Variants in KMT2E observed in about 807,000 individuals in gnomAD.
KMT2E encodes histone reader KMT2E.
KMT2E carries 30 observed loss-of-function variants against 184.6 expected under a neutral mutation model. The observed-to-expected ratio is 0.16, with a 90% CI of 0.12 to 0.22. The LOEUF (loss-of-function observed/expected upper bound fraction) is 0.22. Among genes scored for constraint, KMT2E ranks in the 10% least tolerant of loss-of-function variants. The probability of loss-of-function intolerance (pLI) is 1.00; values close to 1 mark genes in which losing one functional copy is unlikely to be tolerated. For missense variants in KMT2E, 2,023 were observed against 2,237.4 expected, an observed-to-expected ratio of 0.90 and a Z score of 1.93; for synonymous variants, 815 against 776.5, an observed-to-expected ratio of 1.05 and a Z score of -0.82.
At chr7:105,033,510 CTTTT>C (rs1191819785) in intron 1 of KMT2E, among the ~76,000 whole-genome samples, 2 of 151,572 alleles carry the variant, frequency 1.3e-5, no homozygotes, top group African/African-American at 4.9e-5. Context: ...TTTGTTTTTG[CTTTT>C]TTGAGACGGA....
intron 3 of KMT2E, among the ~76,000 whole-genome samples, chr7:105,049,432 A>G (rs1374990184): frequency 6.6e-6 from 1 of 151,702 alleles, no homozygotes; most frequent in East Asian, 1.9e-4. Flanking sequence ...TGACAAAGTG[A>G]GACCTTGTCT....
intron 1 of KMT2E, among the ~76,000 whole-genome samples, chr7:105,017,418 T>G (rs1441411255): frequency 1.4e-5 from 2 of 146,138 alleles, no homozygotes; most frequent in South Asian, 2.1e-4. Context: ...TGGTGGGTGG[T>G]TTTTTTTTGT....
intron 15 of KMT2E, 35 bp from the exon 16 acceptor site, chr7:105,101,390 T>C: frequency 7.1e-7 from 1 of 1,409,166 alleles, no homozygotes; most frequent in Admixed American, 2.5e-5. Context: ...TGAGCATTGA[T>C]ATTTATGATG....
At chr7:105,096,027 G>T (rs910327367) in intron 15 of KMT2E, among the ~76,000 whole-genome samples, 1 of 152,060 alleles carries the variant, frequency 6.6e-6, no homozygotes, top group Non-Finnish European at 1.5e-5. Flanking sequence ...GGCCAAGGTG[G>T]GTGGATCACT....
intron 3 of KMT2E, among the ~76,000 whole-genome samples, chr7:105,046,596 A>G (rs1796113931): frequency 6.6e-6 from 1 of 152,194 alleles, no homozygotes; most frequent in African/African-American, 2.4e-5. Flanking sequence ...AATGGAATGC[A>G]AGATCTTTTT....
At chr7:105,016,919 A>G (rs896654568) in intron 1 of KMT2E, among the ~76,000 whole-genome samples, 2 of 152,252 alleles carry the variant, frequency 1.3e-5, no homozygotes, top group East Asian at 1.9e-4. Flanking sequence ...GAGCTTCATC[A>G]TGGAAGACTG....
intron 1 of KMT2E, among the ~76,000 whole-genome samples, chr7:105,032,611 G>C (rs2129564651): frequency 6.6e-6 from 1 of 152,252 alleles, no homozygotes. Flanking sequence ...AAGTGACGTT[G>C]TCACCTCAGC....
rs76671646 is a variant in KMT2E, at chr7:105,045,910, C to T, written c.71+4887C>T. Among the ~76,000 whole-genome samples, 6 of 152,214 alleles carry T rather than the reference C, an allele frequency of 3.9e-5. No individual in the cohort carries two copies. The East Asian group carries it at 9.6e-4, about 24-fold the overall frequency. On this transcript the variant is annotated intron_variant, in intron 3 of 26. Transcript: ENST00000311117. ...TGGTTTTCTTTTTATGGCATGATCT[C>T]CTTTTTAAATGTTTCTTCTTTTTCT...
intron 3 of KMT2E, among the ~76,000 whole-genome samples, chr7:105,051,101 TC>T (rs1235271451): frequency 1.1e-4 from 17 of 151,520 alleles, no homozygotes; most frequent in African/African-American, 3.6e-4. Flanking sequence ...TTTTTCTCTC[TC>T]TCTCTCTTTC....
At chr7:105,040,261 T>A (rs1795822603) in intron 2 of KMT2E, among the ~76,000 whole-genome samples, 1 of 152,136 alleles carries the variant, frequency 6.6e-6, no homozygotes, top group South Asian at 2.1e-4. Flanking sequence ...GATTAAGTTA[T>A]TTTTAAACCA....
In KMT2E at chr7:105,031,398, CAG is replaced by C. The variant is rs199779530; in HGVS notation, c.-188-6726_-188-6725del. On this transcript the variant is annotated intron_variant, in intron 1 of 26. Coordinates refer to ENST00000311117, the MANE Select transcript of KMT2E (RefSeq NM_182931.3). ...TGGGAGGGTGGGGAAGAAAGAATGA[CAG>C]AATAAAATAATTGCCAACTTCATTT... Among the ~76,000 whole-genome samples the C allele has an allele frequency of 9.6e-3, 1,448 of 151,388 alleles. 19 individuals are homozygous for C. The highest frequency in any genetic ancestry group is 0.033 in the African/African-American group (1,375 of 41,050).
intron 1 of KMT2E, among the ~76,000 whole-genome samples, chr7:105,016,614 A>G (rs2129563703): frequency 6.6e-6 from 1 of 152,366 alleles, no homozygotes; most frequent in African/African-American, 2.4e-5. Flanking sequence ...ATTAGAATTC[A>G]CTTTCGTAGT....
chr7:105,016,338 G>A (rs1458631246), intron 1 of KMT2E, among the ~76,000 whole-genome samples: 2 of 152,108 alleles, frequency 1.3e-5, no homozygotes, highest in Non-Finnish European at 2.9e-5. Context: ...GCTTCATGCT[G>A]CCTTTAACAA....
intron 8 of KMT2E, 85 bp downstream of exon 8, chr7:105,074,900 A>C: frequency 2.2e-6 from 2 of 928,586 alleles, no homozygotes; most frequent in Non-Finnish European, 3.0e-6. Flanking sequence ...GAGTGAGAAT[A>C]ATCGATGATA....
At position 105,112,787 on chromosome 7, in the gene KMT2E, A is replaced by ACGC; in HGVS notation, c.5032_5033insGCC (p.Leu1677_Pro1678insArg). On this transcript the variant is annotated inframe_insertion, in exon 27 of 27. Transcript: ENST00000311117. ...ATTCTCAAACTGCTGGACACCACTT[A>ACGC]CCCCCACCCCCACCCCCTCCTGGTC... 1 of 1,462,822 alleles carries ACGC rather than the reference A, an allele frequency of 6.8e-7. No individual in the cohort carries two copies. Among genetic ancestry groups the ACGC allele is most frequent in the Non-Finnish European group, 9.3e-7 (1 of 1,080,408 alleles). 90.6% of individuals were successfully genotyped at this position (1,462,822 alleles called of 1,614,324 possible).
chr7:105,026,618 A>G (rs1343808697), intron 1 of KMT2E, among the ~76,000 whole-genome samples: 1 of 152,160 alleles, frequency 6.6e-6, no homozygotes, highest in Admixed American at 6.5e-5. Flanking sequence ...ACAGTAACCT[A>G]GTTGCTGTAT....
chr7:105,072,235 A>G (rs1316099301), intron 6 of KMT2E, among the ~76,000 whole-genome samples: 1 of 152,008 alleles, frequency 6.6e-6, no homozygotes, highest in South Asian at 2.1e-4. Context: ...GCAGAATGGC[A>G]TGAACCTGGG....
intron 7 of KMT2E, among the ~76,000 whole-genome samples, chr7:105,073,936 C>T (rs1032461727): frequency 1.3e-5 from 2 of 151,800 alleles, no homozygotes; most frequent in African/African-American, 4.8e-5. Flanking sequence ...CCATAATTTT[C>T]CTACACATAG....
intron 20 of KMT2E, 23 bp downstream of exon 20, chr7:105,106,795 A>G (rs1301070688): frequency 1.2e-6 from 2 of 1,606,112 alleles, no homozygotes; most frequent in Non-Finnish European, 1.7e-6. Context: ...AATGGAGAAA[A>G]AAAAATTCAA....
Sources: allele counts gnomAD v4.1 joint callset (sites outside exome capture counted in the v4.1 genomes callset), GRCh38; gene constraint gnomAD v4.1.1; transcripts MANE v1.5; gene names NCBI Gene and HGNC (gene_info 2026-07-23, HGNC 2026-07-21).